The following SP6 variants were observed in gnomAD, a reference collection of about 807,000 sequenced individuals.
SP6 encodes Sp6 transcription factor, also known as transcription factor Sp6.
In SP6, 10 loss-of-function variants were observed where a neutral mutation model predicts 23.4. That is an observed-to-expected ratio of 0.43 (90% CI 0.26 to 0.72). The LOEUF is 0.72. Ranked by LOEUF, SP6 falls within the 30% of genes least tolerant of loss-of-function variation. The pLI, the probability that SP6 is intolerant of heterozygous loss-of-function variation, is 0.23. For synonymous variants in SP6, 238 were observed against 238.7 expected (o/e 1.00, Z 0.03); for missense variants, 482 against 523.8 (o/e 0.92, Z 0.78).
rs926080524 is a variant in SP6 at position 47,846,442 on chromosome 17, T to G, written c.*857A>C. 1.3e-5 allele frequency: 2 copies of G among 152,198 alleles called. No homozygotes were observed. The highest frequency in any genetic ancestry group is 6.5e-5 in the Admixed American group (1 of 15,286). 9.4% of individuals were successfully genotyped at this position (152,198 alleles called of 1,614,324 possible). ...GGGTAATAGATGGGGAATGTGAGAC[T>G]ACTGAACTTTATTTATCATAGACCA... On this transcript the variant is annotated 3_prime_UTR_variant, in exon 2 of 2. Transcript: ENST00000536300.
chr17:47,869,915 C>A, the SP6 span, among the ~76,000 whole-genome samples: 1,134 of 152,312 alleles, frequency 7.4e-3, 19 homozygotes, highest in African/African-American at 0.024. Flanking sequence ...TTACATTAAA[C>A]ATTTTTACAT....
chr17:47,858,958 A>G (rs937632930), upstream of SP6, among the ~76,000 whole-genome samples: 5 of 151,858 alleles, frequency 3.3e-5, no homozygotes, highest in East Asian at 7.7e-4. Context: ...TATTTTTGGT[A>G]GAGACGGAGT....
upstream of SP6, among the ~76,000 whole-genome samples, chr17:47,857,408 C>A (rs1037718968): frequency 6.6e-6 from 1 of 152,196 alleles, no homozygotes; most frequent in Non-Finnish European, 1.5e-5. Flanking sequence ...AGTTGATTTG[C>A]ATAAATTATA....
At chr17:47,860,512 T>C (rs2143667911), upstream of SP6, among the ~76,000 whole-genome samples, 1 of 152,228 alleles carries the variant, frequency 6.6e-6, no homozygotes, top group African/African-American at 2.4e-5. Flanking sequence ...TGGATTGAAT[T>C]TACACCCTTT....
the SP6 span, among the ~76,000 whole-genome samples, chr17:47,872,810 G>T: frequency 8.0e-6 from 1 of 125,420 alleles, no homozygotes; most frequent in Non-Finnish European, 1.6e-5. Flanking sequence ...AGGCAGAGCC[G>T]TAGGAGGCCC....
At chr17:47,875,119 G>A in the SP6 span, among the ~76,000 whole-genome samples, 1 of 152,032 alleles carries the variant, frequency 6.6e-6, no homozygotes, top group East Asian at 1.9e-4. Context: ...CCTGGCATCT[G>A]CCTCCTCCTC....
chr17:47,861,818 GGCAGACTGCTTAA>G, the SP6 span, among the ~76,000 whole-genome samples: 88 of 152,130 alleles, frequency 5.8e-4, no homozygotes, highest in African/African-American at 1.9e-3. Context: ...GGCCAAAGTG[GGCAGACTGCTTAA>G]GCCCAGGGAT....
rs1419378463 is a variant in SP6, at chr17:47,847,565, G to A, written c.865C>T (p.Leu289Phe). 3 of 1,613,766 alleles carry A rather than the reference G, an allele frequency of 1.9e-6. No homozygotes were observed. Among genetic ancestry groups the A allele is most frequent in the South Asian group, 1.1e-5 (1 of 91,086 alleles). Residue 289 changes from leucine to phenylalanine, a missense_variant, in exon 2 of 2, where the codon CTC (leucine) becomes TTC (phenylalanine). This residue lies in a region of SP6 where 51 missense variants were observed against 92.1 expected (regional missense o/e 0.55). Coordinates refer to ENST00000536300, the MANE Select transcript of SP6 (RefSeq NM_001258248.2). ...SGDRPFVCNWLFCGKRFTRSD... is the reference protein window; with the variant it reads ...SGDRPFVCNWFFCGKRFTRSD... The stretch of plus-strand genomic sequence containing the variant: ...CGCGTGAAGCGCTTGCCGCAGAAGA[G>A]CCAGTTGCACACGAAGGGACGGTCG...
At chr17:47,856,290 G>C (rs1217269050), upstream of SP6, among the ~76,000 whole-genome samples, 6 of 152,310 alleles carry the variant, frequency 3.9e-5, no homozygotes, top group Middle Eastern at 3.4e-3. Context: ...AGAGGACCCA[G>C]TGTAATCTAT....
upstream of SP6, among the ~76,000 whole-genome samples, chr17:47,852,846 G>A (rs762794965): frequency 1.5e-4 from 23 of 152,142 alleles, no homozygotes; most frequent in Non-Finnish European, 2.9e-4. Context: ...GGGTCTCCTG[G>A]GGGCTTAAAG....
the SP6 span, among the ~76,000 whole-genome samples, chr17:47,873,860 CTCT>C: frequency 3.1e-4 from 45 of 143,802 alleles, no homozygotes; most frequent in Middle Eastern, 3.5e-3. Context: ...CCTCCTCCTC[CTCT>C]TCTTCTTCCT....
rs571194574 is a variant in SP6, at chr17:47,848,618, G to C, written c.-57-132C>G. ...TGAACGAGGACTAGAGATGAGTTTA[G>C]AGAATTCGGGAGTGCGAGGAAGGGT... On this transcript the variant is annotated intron_variant, in intron 1 of 1. Coordinates refer to ENST00000536300, the MANE Select transcript of SP6 (RefSeq NM_001258248.2). This position sits in a 1 kb window ranked among gnomAD's most constrained non-coding sequence, Gnocchi z 5.3. 2.0e-5 allele frequency: 11 copies of C among 559,312 alleles called. No individual in the cohort carries two copies. The highest frequency in any genetic ancestry group is 1.4e-4 in the Admixed American group (4 of 28,334). 34.6% of individuals were successfully genotyped at this position (559,312 alleles called of 1,614,324 possible).
upstream of SP6, among the ~76,000 whole-genome samples, chr17:47,854,864 C>G (rs1027641209): frequency 6.6e-6 from 1 of 152,140 alleles, no homozygotes; most frequent in African/African-American, 2.4e-5. Flanking sequence ...ACTCACTCCT[C>G]TCCTCCATTT....
Position 47,848,070 on chromosome 17 carries a change from C to G in SP6, c.360G>C (p.Trp120Cys), listed in dbSNP as rs747991818. 6.2e-7 allele frequency: 1 copy of G among 1,613,274 alleles called. No homozygotes were observed. The highest frequency in any genetic ancestry group is 1.1e-5 in the South Asian group (1 of 91,034). ...PTHPGAEDGS[W>C]WDLHPGTSWM... is the part of the protein sequence containing the mutation. ...AGCTGGTGCCCGGATGAAGGTCCCA[C>G]CACGAGCCATCCTCCGCGCCTGGGT... The change falls in exon 2 of 2, where the codon TGG (tryptophan) becomes TGC (cysteine). Residue 120 changes from tryptophan (W) to cysteine (C), a missense_variant. By Grantham distance (215) the Trp-to-Cys change is radical. Around this residue, in one of 3 missense-constraint regions of SP6, gnomAD observed 330 missense variants for 332.3 expected, o/e 0.99. Transcript: ENST00000536300. The surrounding 1 kb of genome is among the most constrained non-coding windows in gnomAD (Gnocchi z 5.3).
the SP6 span, among the ~76,000 whole-genome samples, chr17:47,868,865 C>G: frequency 6.6e-6 from 1 of 152,234 alleles, no homozygotes; most frequent in African/African-American, 2.4e-5. Flanking sequence ...CTTCTCCGCT[C>G]TGCAGGTGTA....
the SP6 span, among the ~76,000 whole-genome samples, chr17:47,862,520 A>G: frequency 1.0e-5 from 1 of 100,418 alleles, no homozygotes; most frequent in South Asian, 3.0e-4. Flanking sequence ...AAAAAAAAAA[A>G]AAAAAAAAAG....
chr17:47,873,011 A>G, the SP6 span, among the ~76,000 whole-genome samples: 1 of 152,268 alleles, frequency 6.6e-6, no homozygotes, highest in South Asian at 2.1e-4. Context: ...TGGCCACACA[A>G]CTGGCAACCG....
At chr17:47,858,767 C>CTTTTTTTTTTTTTTTTTT (rs36092685), upstream of SP6, among the ~76,000 whole-genome samples, 13 of 92,648 alleles carry the variant, frequency 1.4e-4, 5 homozygotes, top group African/African-American at 8.8e-5. Context: ...GATGAAGCAT[C>CTTTTTTTTTTTTTTTTTT]TTTTTTTTTT....
chr17:47,874,590 T>G, the SP6 span, among the ~76,000 whole-genome samples: 2 of 152,170 alleles, frequency 1.3e-5, no homozygotes, highest in African/African-American at 4.8e-5. Context: ...GAGTTAGCCC[T>G]GCTGACCTCT....
Sources: gnomAD v4.1 joint callset for allele counts (sites outside exome capture counted in the v4.1 genomes callset) on GRCh38, gnomAD v4.1.1 for gene constraint, gnomAD v4.1.1 regional missense constraint, Gnocchi (gnomAD v3.1) non-coding constraint, MANE v1.5 for transcripts, NCBI Gene and HGNC (gene_info 2026-07-23, HGNC 2026-07-21) for gene names.